The following MID1 variants were observed in gnomAD, a reference collection of about 807,000 sequenced individuals.
MID1 encodes midline 1, also known as E3 ubiquitin-protein ligase Midline-1.
MID1 carries 7 observed loss-of-function variants against 40.4 expected under a neutral mutation model. The ratio of observed to expected loss-of-function variants is 0.17; its 90% CI spans 0.10 to 0.33. The LOEUF (loss-of-function observed/expected upper bound fraction) is 0.33, where lower values mean the gene tolerates loss of function less well. Among genes scored for constraint, MID1 ranks in the 10% least tolerant of loss-of-function variants. The pLI, the probability that MID1 is intolerant of heterozygous loss-of-function variation, is 1.00. For missense variants in MID1, 367 were observed against 558.5 expected, an observed-to-expected ratio of 0.66 and a Z score of 3.46; for synonymous variants, 229 against 221.2, an observed-to-expected ratio of 1.04 and a Z score of -0.31.
chrX:10,599,044 T>C (rs913044651), intron 1 of MID1, among the ~76,000 whole-genome samples: 6 of 111,964 alleles, frequency 5.4e-5, no homozygotes, highest in African/African-American at 2.0e-4. Context: ...TGAGTGACAA[T>C]CAGTTCAAAT....
At chrX:10,481,841 T>C (rs1057284710) in intron 5 of MID1, among the ~76,000 whole-genome samples, 1 of 112,316 alleles carries the variant, frequency 8.9e-6, no homozygotes, top group African/African-American at 3.2e-5. Context: ...GCCGAAAAAA[T>C]ACTTATCTTT....
chrX:10,600,467 G>A (rs1426557664), intron 1 of MID1, among the ~76,000 whole-genome samples: 2 of 111,490 alleles, frequency 1.8e-5, no homozygotes, highest in Admixed American at 1.9e-4. Context: ...TTGGATACTT[G>A]GGGGTTGGGG....
intron 1 of MID1, among the ~76,000 whole-genome samples, chrX:10,787,224 C>G (rs58793486): frequency 9.1e-6 from 1 of 110,101 alleles, no homozygotes; most frequent in African/African-American, 3.3e-5. Context: ...GTAGAAAATA[C>G]ATAATCCTAG....
chrX:10,825,119 A>G (rs1381096002), intron 1 of MID1, among the ~76,000 whole-genome samples: 1 of 112,279 alleles, frequency 8.9e-6, no homozygotes, highest in African/African-American at 3.2e-5. Context: ...CAAACCGTAG[A>G]CATACAGTTC....
At chrX:10,466,474 T>C (rs1929392413) in intron 7 of MID1, among the ~76,000 whole-genome samples, 1 of 111,519 alleles carries the variant, frequency 9.0e-6, no homozygotes, top group East Asian at 2.8e-4. Context: ...TAAATTAGGG[T>C]TTCTCAACTT....
At chrX:10,455,679 A>G (rs1217345303) in intron 8 of MID1, among the ~76,000 whole-genome samples, 1 of 112,186 alleles carries the variant, frequency 8.9e-6, no homozygotes, top group African/African-American at 3.2e-5. Flanking sequence ...AGAATATTCT[A>G]GAGGTTTATA....
intron 1 of MID1, among the ~76,000 whole-genome samples, chrX:10,750,580 G>A (rs988868814): frequency 2.4e-4 from 27 of 110,607 alleles, no homozygotes; most frequent in East Asian, 1.7e-3. Context: ...GCAGTGAGCT[G>A]AGATCACGCC....
intron 1 of MID1, among the ~76,000 whole-genome samples, chrX:10,820,700 T>A (rs2044168553): frequency 8.9e-6 from 1 of 111,830 alleles, no homozygotes; most frequent in South Asian, 3.7e-4. Flanking sequence ...TGGCATTGTA[T>A]CAAAGTAAAG....
At chrX:10,498,543 A>G (rs1931377537) in intron 3 of MID1, among the ~76,000 whole-genome samples, 1 of 112,202 alleles carries the variant, frequency 8.9e-6, no homozygotes, top group African/African-American at 3.2e-5. Flanking sequence ...CGTCATCACA[A>G]TCTAAGCCTA....
chrX:10,583,005 A>G (rs1935053431), intron 1 of MID1: 1 of 111,751 alleles, frequency 8.9e-6, no homozygotes, highest in African/African-American at 3.2e-5. Flanking sequence ...TCCTATATGT[A>G]TATCCATTTG....
intron 1 of MID1, among the ~76,000 whole-genome samples, chrX:10,733,297 C>G (rs1300105584): frequency 8.9e-6 from 1 of 112,075 alleles, no homozygotes; most frequent in African/African-American, 3.2e-5. Flanking sequence ...ACACTACACA[C>G]AGTCATTAAT....
intron 1 of MID1, among the ~76,000 whole-genome samples, chrX:10,793,615 C>T (rs1029291): frequency 0.097 from 10,816 of 111,697 alleles, 1,258 homozygotes; most frequent in African/African-American, 0.33. Flanking sequence ...CCCTTCCCCT[C>T]CTTAAAAAAC....
intron 1 of MID1, among the ~76,000 whole-genome samples, chrX:10,598,440 T>C (rs1935453705): frequency 8.9e-6 from 1 of 111,838 alleles, no homozygotes; most frequent in African/African-American, 3.3e-5. Context: ...CCCTGGAACT[T>C]GTGAATGTGA....
At chrX:10,780,905 G>A (rs1291306621) in intron 1 of MID1, among the ~76,000 whole-genome samples, 1 of 111,439 alleles carries the variant, frequency 9.0e-6, no homozygotes, top group African/African-American at 3.3e-5. Context: ...GTTCACAATA[G>A]GGTTCACACT....
intron 1 of MID1, among the ~76,000 whole-genome samples, chrX:10,693,598 G>A (rs188834572): frequency 9.0e-6 from 1 of 111,550 alleles, no homozygotes; most frequent in Admixed American, 9.6e-5. Flanking sequence ...TATTCAGAGA[G>A]GCTAAATGAC....
chrX:10,531,395 G>C (rs770015228), intron 2 of MID1, among the ~76,000 whole-genome samples: 2 of 111,773 alleles, frequency 1.8e-5, no homozygotes, highest in South Asian at 7.5e-4. Context: ...TTTTTCATTG[G>C]TTATAATAGC....
At chrX:10,826,502 C>G (rs2044217741) in intron 1 of MID1, among the ~76,000 whole-genome samples, 2 of 111,844 alleles carry the variant, frequency 1.8e-5, no homozygotes, top group Admixed American at 1.9e-4. Context: ...AGGTTGCTGC[C>G]AATGTGAACT....
intron 1 of MID1, among the ~76,000 whole-genome samples, chrX:10,656,159 C>T (rs2042870700): frequency 8.9e-6 from 1 of 111,950 alleles, no homozygotes; most frequent in Admixed American, 9.4e-5. Flanking sequence ...AATCATAGAG[C>T]TTCTTGTGCT....
At chrX:10,715,259 C>T (rs374833246) in intron 1 of MID1, among the ~76,000 whole-genome samples, 9 of 112,215 alleles carry the variant, frequency 8.0e-5, no homozygotes, top group South Asian at 3.7e-4. Context: ...TCACCTCACC[C>T]GGGAAGCGCA....
Sources: allele counts gnomAD v4.1 joint callset (sites outside exome capture counted in the v4.1 genomes callset), GRCh38; gene constraint gnomAD v4.1.1; transcripts MANE v1.5; gene names NCBI Gene and HGNC (gene_info 2026-07-23, HGNC 2026-07-21).